CCDC169: variants seen among roughly 807,000 people sequenced by gnomAD.
CCDC169 encodes coiled-coil domain containing 169.
A neutral mutation model predicts 36.0 loss-of-function variants in CCDC169; 30 were observed. The observed-to-expected ratio is 0.83, with a 90% CI of 0.62 to 1.13. The LOEUF (loss-of-function observed/expected upper bound fraction) is 1.13, where lower values mean the gene tolerates loss of function less well. CCDC169 is among the 50% of genes most tolerant of loss of function. The probability of loss-of-function intolerance (pLI) is 0.00; values close to 1 mark genes in which losing one functional copy is unlikely to be tolerated. For missense variants in CCDC169, 245 were observed against 245.9 expected (o/e 1.00, Z 0.03); for synonymous variants, 85 against 81.5 (o/e 1.04, Z -0.23).
At chr13:36,283,410 GA>G in intron 4 of CCDC169, 58 bp downstream of exon 4, 1 of 1,466,972 alleles carries the variant, frequency 6.8e-7, no homozygotes, top group Non-Finnish European at 9.2e-7. Flanking sequence ...AATACGTCTG[GA>G]AAAAATAGAC....
At chr13:36,240,967 G>A (rs61950092) in intron 7 of CCDC169, among the ~76,000 whole-genome samples, 20,888 of 151,890 alleles carry the variant, frequency 0.14, 1,672 homozygotes, top group Non-Finnish European at 0.18. Context: ...TTCAACAGCA[G>A]TATAGATATC....
chr13:36,297,425 G>A (rs2281867), intron 1 of CCDC169, among the ~76,000 whole-genome samples: 26,004 of 151,998 alleles, frequency 0.17, 2,401 homozygotes, highest in African/African-American at 0.23. Context: ...CATCCTACCC[G>A]GAAAGCTGCC....
intron 7 of CCDC169, among the ~76,000 whole-genome samples, chr13:36,235,864 C>T (rs1036288184): frequency 6.6e-6 from 1 of 151,922 alleles, no homozygotes; most frequent in Non-Finnish European, 1.5e-5. Flanking sequence ...CAGCAATATA[C>T]AGTCCTAAAA....
chr13:36,237,754 G>C (rs981423688), intron 7 of CCDC169, among the ~76,000 whole-genome samples: 10 of 152,080 alleles, frequency 6.6e-5, no homozygotes, highest in Admixed American at 2.6e-4. Context: ...AGTCAGCAAT[G>C]GACTGCATAT....
intron 4 of CCDC169, among the ~76,000 whole-genome samples, chr13:36,276,826 TTC>T (rs1263872344): frequency 6.6e-6 from 1 of 152,128 alleles, no homozygotes; most frequent in Admixed American, 6.5e-5. Context: ...TTCCACATCT[TTC>T]TCTGAGGGAT....
At chr13:36,279,997 T>C (rs547965541) in intron 4 of CCDC169, 1 of 152,300 alleles carries the variant, frequency 6.6e-6, no homozygotes, top group African/African-American at 2.4e-5. Context: ...ATTTACGTAA[T>C]TCATGATGTA....
chr13:36,243,439 G>C (rs919086337), intron 7 of CCDC169, among the ~76,000 whole-genome samples: 1 of 124,838 alleles, frequency 8.0e-6, no homozygotes, highest in African/African-American at 2.6e-5. Flanking sequence ...GGCAGAATTT[G>C]CAGTGAGCAG....
At position 36,297,631 on chromosome 13, in the gene CCDC169, A is replaced by C; in HGVS notation, c.83+6T>G. On this transcript the variant is annotated splice_donor_region_variant and intron_variant, in intron 1 of 7. Transcript: ENST00000239859. ...GGACCCCACACCGCGCCGCCCGCCG[A>C]CTCACTTCTTGCGGACTTCTTCCAG... is the stretch of plus-strand genomic sequence containing the variant. 2 of 1,549,800 alleles carry C rather than the reference A, an allele frequency of 1.3e-6. No individual in the cohort carries two copies. Among genetic ancestry groups the C allele is most frequent in the South Asian group, 1.2e-5 (1 of 84,044 alleles).
At chr13:36,233,359 C>T (rs1870673035) in intron 7 of CCDC169, among the ~76,000 whole-genome samples, 2 of 151,932 alleles carry the variant, frequency 1.3e-5, no homozygotes, top group Non-Finnish European at 2.9e-5. Flanking sequence ...TACAGAGTGG[C>T]CATGTTACAT....
intron 7 of CCDC169, among the ~76,000 whole-genome samples, chr13:36,236,646 T>C (rs138105084): frequency 0.02 from 3,046 of 152,134 alleles, 65 homozygotes; most frequent in Non-Finnish European, 0.023. Context: ...CTTTTGTGTT[T>C]CTAAAGATAT....
chr13:36,229,458 C>T (rs1870183372), downstream of CCDC169, among the ~76,000 whole-genome samples: 1 of 151,866 alleles, frequency 6.6e-6, no homozygotes, highest in South Asian at 2.1e-4. Context: ...TTAAATGTTC[C>T]TCAATAGTCC....
intron 4 of CCDC169, among the ~76,000 whole-genome samples, chr13:36,271,364 T>C (rs898840871): frequency 6.6e-6 from 1 of 152,120 alleles, no homozygotes; most frequent in African/African-American, 2.4e-5. Context: ...CTTAAACAGC[T>C]AAAAGTAGAT....
intron 4 of CCDC169, among the ~76,000 whole-genome samples, chr13:36,273,319 C>T (rs1876349204): frequency 2.0e-5 from 3 of 152,282 alleles, no homozygotes; most frequent in Admixed American, 1.3e-4. Context: ...ATTATACCCA[C>T]AGTTTTCCAA....
intron 7 of CCDC169, chr13:36,244,716 A>T (rs1170655018): frequency 6.6e-6 from 1 of 152,328 alleles, no homozygotes; most frequent in Non-Finnish European, 1.5e-5. Context: ...AATATATATT[A>T]GCCATAAGTA....
chr13:36,288,602 A>T (rs1437660685), intron 2 of CCDC169, among the ~76,000 whole-genome samples: 1 of 152,202 alleles, frequency 6.6e-6, no homozygotes, highest in East Asian at 1.9e-4. Context: ...AGAAAATCCT[A>T]ACATCTGATA....
chr13:36,230,465 C>A (rs1017768475), downstream of CCDC169, among the ~76,000 whole-genome samples: 2 of 152,172 alleles, frequency 1.3e-5, no homozygotes, highest in Non-Finnish European at 2.9e-5. Flanking sequence ...GCAGTTTGGT[C>A]TAAAGAATTA....
At position 36,249,597 on chromosome 13, in the gene CCDC169, C is replaced by T. The variant is rs1437891022; in HGVS notation, c.469-915G>A. Among the ~76,000 whole-genome samples the T allele has an allele frequency of 2.0e-5, 3 of 152,076 alleles. No homozygotes were observed. In the East Asian group the frequency reaches 5.8e-4, roughly 29 times the overall value. On this transcript the variant is annotated intron_variant, in intron 6 of 7. Coordinates refer to ENST00000239859, the MANE Select transcript of CCDC169 (RefSeq NM_001144981.3). Reference sequence around the variant, plus strand: ...TGAAGTTTGGCTGAGAAAAAGAAAGCTAAGGTGGTAGTTTTATGAGGACAG... The same window carrying T: ...TGAAGTTTGGCTGAGAAAAAGAAAGTTAAGGTGGTAGTTTTATGAGGACAG...
chr13:36,250,284 C>T lies in CCDC169; in HGVS notation c.469-1602G>A, dbSNP rs145153688. ...TAGCACATAGCATTTGGTCTAACGG[C>T]AGTCTAGGATATTAGCAGGGATATG... On this transcript the variant is annotated intron_variant, in intron 6 of 7. Transcript: ENST00000239859. Among the ~76,000 whole-genome samples the T allele has an allele frequency of 4.5e-4, 68 of 152,242 alleles. No homozygotes were observed. The South Asian group carries it at 6.4e-3, about 14-fold the overall frequency.
At chr13:36,281,164 A>G (rs918901576) in intron 4 of CCDC169, 1 of 379,128 alleles carries the variant, frequency 2.6e-6, no homozygotes, top group Non-Finnish European at 5.1e-6. Context: ...AAAGCCACTC[A>G]CAAATGGATG....
Sources: gnomAD v4.1 joint callset for allele counts (sites outside exome capture counted in the v4.1 genomes callset) on GRCh38, gnomAD v4.1.1 for gene constraint, MANE v1.5 for transcripts, NCBI Gene and HGNC (gene_info 2026-07-23, HGNC 2026-07-21) for gene names.